SLC7A6: variants seen among roughly 807,000 people sequenced by gnomAD.
SLC7A6 encodes the protein solute carrier family 7 member 6.
Under a neutral mutation model 46.6 loss-of-function variants are expected in SLC7A6, and 29 were observed. The ratio of observed to expected loss-of-function variants is 0.62; its 90% CI spans 0.46 to 0.85. SLC7A6 has a LOEUF of 0.85. Among genes scored for constraint, SLC7A6 ranks in the 40% least tolerant of loss-of-function variants. The pLI is 0.00. For synonymous variants in SLC7A6, 276 were observed against 257.3 expected, an observed-to-expected ratio of 1.07 and a Z score of -0.70; for missense variants, 527 against 647.6, an observed-to-expected ratio of 0.81 and a Z score of 2.02.
At chr16:68,288,703 C>T (rs943213461) in intron 4 of SLC7A6, among the ~76,000 whole-genome samples, 13 of 151,914 alleles carry the variant, frequency 8.6e-5, no homozygotes, top group African/African-American at 3.1e-4. Context: ...CGGTGGCTCA[C>T]GCCTGTAATC....
At chr16:68,288,587 C>G (rs749505798) in intron 4 of SLC7A6, among the ~76,000 whole-genome samples, 1 of 152,134 alleles carries the variant, frequency 6.6e-6, no homozygotes, top group Non-Finnish European at 1.5e-5. Context: ...TGGCTGTGTA[C>G]AGTCACCCGG....
At position 68,291,241 on chromosome 16, in the gene SLC7A6, C is replaced by A; in HGVS notation, c.827C>A (p.Pro276Gln). The A allele has an allele frequency of 6.2e-7, 1 of 1,614,204 alleles. No homozygotes were observed. The highest frequency in any genetic ancestry group is 8.5e-7 in the Non-Finnish European group (1 of 1,180,040). Reference sequence around the variant, plus strand: ...CCCTTGGCCATTGGGATTTCTATGCCAATTGTGACGCTCATCTACATCCTG... The same window carrying A: ...CCCTTGGCCATTGGGATTTCTATGCAAATTGTGACGCTCATCTACATCCTG... ...NLPLAIGISMPIVTLIYILTN... is the reference protein window; with the variant it reads ...NLPLAIGISMQIVTLIYILTN... The change falls in exon 6 of 11, where the codon CCA (proline) becomes CAA (glutamine). Residue 276 changes from proline to glutamine, a missense_variant. By Grantham distance (76) the Pro-to-Gln change is moderately conservative (BLOSUM62 -1). Coordinates refer to ENST00000219343, the MANE Select transcript of SLC7A6 (RefSeq NM_003983.6).
At chr16:68,287,271 C>A (rs1256633648) in intron 3 of SLC7A6, 2 of 1,254,610 alleles carry the variant, frequency 1.6e-6, no homozygotes, top group African/African-American at 3.1e-5. Flanking sequence ...AGCCACTGCA[C>A]CTGGCCTCAT....
Position 68,299,988 on chromosome 16 carries a change from T to C in SLC7A6, c.*2660T>C, listed in dbSNP as rs960735798. 1 of 152,144 alleles carries C rather than the reference T, an allele frequency of 6.6e-6. No individual in the cohort carries two copies. The highest frequency in any genetic ancestry group is 2.4e-5 in the African/African-American group (1 of 41,398). 9.4% of individuals were successfully genotyped at this position (152,144 alleles called of 1,614,324 possible). A position where few individuals can be genotyped will look rare whatever the true frequency, so the allele number is the denominator to read the frequency against. On this transcript the variant is annotated 3_prime_UTR_variant, in exon 11 of 11. Coordinates refer to ENST00000219343, the MANE Select transcript of SLC7A6 (RefSeq NM_003983.6). Reference sequence around the variant, plus strand: ...GCAGGTAGGATGAAGGAGAGATACTTAGGAAATCCTAAAAGAGGCGGCAAG... The same window carrying C: ...GCAGGTAGGATGAAGGAGAGATACTCAGGAAATCCTAAAAGAGGCGGCAAG...
At chr16:68,294,019 T>A (rs768453508) in intron 7 of SLC7A6, among the ~76,000 whole-genome samples, 12 of 152,288 alleles carry the variant, frequency 7.9e-5, no homozygotes, top group Admixed American at 3.3e-4. Context: ...TGCCTCAGCC[T>A]CCCGAGTAGC....
intron 8 of SLC7A6, among the ~76,000 whole-genome samples, chr16:68,295,680 AT>A (rs1208712447): frequency 1.3e-5 from 2 of 152,262 alleles, no homozygotes; most frequent in Non-Finnish European, 2.9e-5. Context: ...TGAAAAGATT[AT>A]TGAAGTTTAA....
intron 2 of SLC7A6, 117 bp downstream of exon 2, chr16:68,266,838 CTT>C (rs1380703704): frequency 6.6e-6 from 1 of 152,018 alleles, no homozygotes; most frequent in African/African-American, 2.4e-5. Flanking sequence ...ATTAACAACT[CTT>C]TAGTATTACA....
rs1170446747 is a variant in SLC7A6, at chr16:68,298,698, C to T, written c.*1370C>T. The T allele has an allele frequency of 2.6e-5, 4 of 152,290 alleles. No individual in the cohort carries two copies. The highest frequency in any genetic ancestry group is 9.7e-5 in the African/African-American group (4 of 41,450). The allele number at this position is 152,290 out of a possible 1,614,324, so 9.4% of individuals were successfully genotyped here. On this transcript the variant is annotated 3_prime_UTR_variant, in exon 11 of 11. Transcript: ENST00000219343. The stretch of plus-strand genomic sequence containing the variant: ...GAGTCCGGCTCTTCAGCAGGCTGCA[C>T]AAGTGGAAGCAACTAATTCTGGTGC...
intron 2 of SLC7A6, among the ~76,000 whole-genome samples, chr16:68,270,183 C>T (rs1049867588): frequency 2.0e-5 from 3 of 148,808 alleles, no homozygotes; most frequent in Admixed American, 6.8e-5. Flanking sequence ...GTAGGGATTT[C>T]TCTGTTGTCT....
At chr16:68,294,953 G>T in intron 8 of SLC7A6, 152 bp downstream of exon 8, 4 of 566,688 alleles carry the variant, frequency 7.1e-6, no homozygotes, top group South Asian at 4.5e-5. Context: ...ATTCTTTTAT[G>T]GTTTTATTAC....
Position 68,294,758 on chromosome 16 carries a change from T to TCC in SLC7A6, c.1077_1078dup (p.His360ProfsTer66). 1 of 1,614,112 alleles carries TCC rather than the reference T, an allele frequency of 6.2e-7. No individual in the cohort carries two copies. Among genetic ancestry groups the TCC allele is most frequent in the Non-Finnish European group, 8.5e-7 (1 of 1,180,006 alleles). On this transcript the variant is annotated frameshift_variant, in exon 8 of 11. Coordinates refer to ENST00000219343, the MANE Select transcript of SLC7A6 (RefSeq NM_003983.6). LOFTEE classifies it high-confidence loss of function. ...CACCTACCGGACCTTCTGTCCATGATCCACATTGAGCGTTTTACACCTATC... is the reference window on the plus strand; with the variant it reads ...CACCTACCGGACCTTCTGTCCATGATCCCCACATTGAGCGTTTTACACCTATC...
At chr16:68,267,124 G>A (rs920485859) in intron 2 of SLC7A6, among the ~76,000 whole-genome samples, 6 of 151,042 alleles carry the variant, frequency 4.0e-5, no homozygotes, top group South Asian at 2.1e-4. Context: ...TAGTAGAGAC[G>A]GGGCTTTACC....
intron 8 of SLC7A6, among the ~76,000 whole-genome samples, chr16:68,295,413 A>C (rs919344911): frequency 1.3e-5 from 2 of 152,148 alleles, no homozygotes; most frequent in African/African-American, 4.8e-5. Flanking sequence ...TGAATTTATA[A>C]ATTTAGGAGG....
chr16:68,296,797 T>C lies in SLC7A6; in HGVS notation c.1440T>C (p.Ile480=), dbSNP rs1207681940. 6.2e-7 allele frequency: 1 copy of C among 1,614,136 alleles called. No individual in the cohort carries two copies. The highest frequency in any genetic ancestry group is 2.2e-5 in the East Asian group (1 of 44,886). ...YLPESRRPLF[I]RNVLAAITRG... is the part of the protein sequence containing the mutation. ...CAGAGTCCCGGAGGCCATTGTTTATTCGGAATGTCCTGGGTGAGCTTCTCT... is the reference window on the plus strand; with the variant it reads ...CAGAGTCCCGGAGGCCATTGTTTATCCGGAATGTCCTGGGTGAGCTTCTCT... The change falls in exon 10 of 11, where the codon ATT becomes ATC. Residue 480 remains isoleucine (I), a synonymous_variant. Coordinates refer to ENST00000219343, the MANE Select transcript of SLC7A6 (RefSeq NM_003983.6).
intron 2 of SLC7A6, among the ~76,000 whole-genome samples, chr16:68,267,814 C>G (rs966358715): frequency 6.6e-6 from 1 of 152,120 alleles, no homozygotes; most frequent in Non-Finnish European, 1.5e-5. Context: ...GAGCCCTACC[C>G]CCAACCTCCG....
intron 3 of SLC7A6, chr16:68,287,355 C>G: frequency 7.7e-7 from 1 of 1,291,632 alleles, no homozygotes; most frequent in Non-Finnish European, 1.0e-6. Context: ...ATTTACCTCA[C>G]TTACTGATGA....
intron 3 of SLC7A6, among the ~76,000 whole-genome samples, chr16:68,285,142 G>A (rs1408393447): frequency 6.6e-6 from 1 of 152,004 alleles, no homozygotes; most frequent in African/African-American, 2.4e-5. Context: ...TGTTACTAAG[G>A]GCTTGTATGT....
chr16:68,295,316 A>C (rs1246449573), intron 8 of SLC7A6, among the ~76,000 whole-genome samples: 1 of 152,180 alleles, frequency 6.6e-6, no homozygotes, highest in Non-Finnish European at 1.5e-5. Context: ...AGCAATTCTC[A>C]TATTCGTTTA....
chr16:68,292,848 T>C (rs2043084359), intron 7 of SLC7A6: 1 of 152,232 alleles, frequency 6.6e-6, no homozygotes, highest in Non-Finnish European at 1.5e-5. Context: ...CTTTCCAATT[T>C]TGAAACAATT....
Sources: allele counts gnomAD v4.1 joint callset (sites outside exome capture counted in the v4.1 genomes callset), GRCh38; gene constraint gnomAD v4.1.1; transcripts MANE v1.5; gene names NCBI Gene and HGNC (gene_info 2026-07-23, HGNC 2026-07-21).